Variants in SUN1 observed in about 807,000 individuals in gnomAD.
SUN1 encodes the protein SUN domain-containing protein 1.
In SUN1, 61 loss-of-function variants were observed where a neutral mutation model predicts 103.2. The ratio of observed to expected loss-of-function variants is 0.59; its 90% CI spans 0.48 to 0.73. SUN1 has a LOEUF of 0.73. Ranked by LOEUF, SUN1 falls within the 30% of genes least tolerant of loss-of-function variation. The pLI, the probability that SUN1 is intolerant of heterozygous loss-of-function variation, is 0.00. For missense variants in SUN1, 1,052 were observed against 1,034.6 expected, an observed-to-expected ratio of 1.02 and a Z score of -0.23; for synonymous variants, 490 against 425.7, an observed-to-expected ratio of 1.15 and a Z score of -1.86.
At chr7:841,813 A>G in intron 2 of SUN1, 133 bp from the exon 3 acceptor site, 1 of 888,108 alleles carries the variant, frequency 1.1e-6, no homozygotes, top group Non-Finnish European at 1.7e-6. Flanking sequence ...TCATTACAGC[A>G]GAAAAGGCAT....
At chr7:819,778 G>A (rs1380278652) in intron 1 of SUN1, among the ~76,000 whole-genome samples, 3 of 145,010 alleles carry the variant, frequency 2.1e-5, no homozygotes, top group African/African-American at 7.8e-5. Flanking sequence ...GCGTGATCTC[G>A]GCTCACTGCA....
intron 5 of SUN1, chr7:848,320 A>T: frequency 9.2e-7 from 1 of 1,088,216 alleles, no homozygotes; most frequent in Non-Finnish European, 1.3e-6. Flanking sequence ...TGTCCATTCT[A>T]AAAGTGCCTG....
At chr7:851,574 A>C in intron 6 of SUN1, 92 bp downstream of exon 6, 322 of 1,106,650 alleles carry the variant, frequency 2.9e-4, no homozygotes, top group Non-Finnish European at 4.0e-4. Flanking sequence ...TAAAAATCTC[A>C]TTTAGGCTCT....
chr7:838,301 G>C (rs1002044734), intron 1 of SUN1, among the ~76,000 whole-genome samples: 3 of 152,256 alleles, frequency 2.0e-5, no homozygotes, highest in Non-Finnish European at 4.4e-5. Flanking sequence ...GCTCAAAGCA[G>C]TTGTGAATTG....
intron 9 of SUN1, 124 bp downstream of exon 9, chr7:853,076 A>G (rs560500437): frequency 1.5e-6 from 2 of 1,301,682 alleles, no homozygotes; most frequent in African/African-American, 3.0e-5. Context: ...TTTAAATGTC[A>G]GATAAGCAAG....
intron 2 of SUN1, 87 bp from the exon 3 acceptor site, chr7:841,859 C>A: frequency 7.1e-7 from 1 of 1,401,944 alleles, no homozygotes; most frequent in Non-Finnish European, 9.8e-7. Context: ...TGTTTATTCC[C>A]AGATTAAGAG....
At chr7:857,689 C>T (rs1562753538) in intron 12 of SUN1, 139 bp from the exon 13 acceptor site, 11 of 1,128,354 alleles carry the variant, frequency 9.7e-6, no homozygotes, top group Non-Finnish European at 1.2e-5. Flanking sequence ...CCAGTTTCCA[C>T]GTTAGTGTGG....
chr7:853,515 C>A lies in SUN1; in HGVS notation c.1160C>A (p.Thr387Asn), dbSNP rs766938748. Residue 387 changes from threonine to asparagine, a missense_variant, in exon 10 of 19, where the codon ACC (threonine) becomes AAC (asparagine). Thr to Asn is a moderately conservative substitution (Grantham distance 65). Transcript: ENST00000401592. The stretch of plus-strand genomic sequence containing the variant: ...CATGGTGAGAATCTCCGAGAGCTGA[C>A]CACTTTGCTACAGAAGCTGCAGGCT... ...HHHGENLREL[T>N]TLLQKLQARV... The A allele has an allele frequency of 2.5e-6, 4 of 1,613,776 alleles. No individual in the cohort carries two copies. The African/African-American group carries it at 4.0e-5, about 16-fold the overall frequency.
chr7:815,634 G>C (rs1780136854), upstream of SUN1, among the ~76,000 whole-genome samples: 2 of 151,994 alleles, frequency 1.3e-5, no homozygotes, highest in African/African-American at 4.8e-5. Context: ...ATTACACTTC[G>C]TTTTAAAAGT....
rs1249720125 is a variant in SUN1 at position 869,337 on chromosome 7, T to C, written c.1981-12T>C. The C allele has an allele frequency of 6.2e-7, 1 of 1,612,000 alleles. No homozygotes were observed. The highest frequency in any genetic ancestry group is 8.5e-7 in the Non-Finnish European group (1 of 1,178,828). The stretch of plus-strand genomic sequence containing the variant: ...CTCACACTCTGAGTCCTCATGTTTT[T>C]CCTTTCCCCAGCCTGACATTTACCC... On this transcript the variant is annotated splice_polypyrimidine_tract_variant and intron_variant, in intron 16 of 18. Coordinates refer to ENST00000401592, the MANE Select transcript of SUN1 (RefSeq NM_001130965.3).
At chr7:864,969 T>C (rs1436618930) in intron 15 of SUN1, among the ~76,000 whole-genome samples, 1 of 151,808 alleles carries the variant, frequency 6.6e-6, no homozygotes, top group African/African-American at 2.4e-5. Flanking sequence ...ATCCCCACTT[T>C]CCCTGAGCCC....
In SUN1 at chr7:852,506, T is replaced by TG. The variant is rs527445101; in HGVS notation, c.852-96dup. On this transcript the variant is annotated intron_variant, in intron 7 of 18. Transcript: ENST00000401592. ...AAAACCGTAACTGCTTTTCTAATAC[T>TG]GGGGGGGTGGATTTTGCACAAAATT... 191 of 1,345,970 alleles carry TG rather than the reference T, an allele frequency of 1.4e-4. No individual in the cohort carries two copies. The East Asian group carries it at 1.9e-3, about 14-fold the overall frequency. The allele number at this position is 1,345,970 out of a possible 1,614,324, so 83.4% of individuals were successfully genotyped here.
chr7:819,256 T>C (rs571966660), intron 1 of SUN1, among the ~76,000 whole-genome samples: 19 of 151,540 alleles, frequency 1.3e-4, no homozygotes, highest in Non-Finnish European at 5.9e-5. Context: ...ATTAGACATA[T>C]GATTAATAAA....
At chr7:845,343 G>A (rs775801011) in intron 5 of SUN1, among the ~76,000 whole-genome samples, 1 of 152,174 alleles carries the variant, frequency 6.6e-6, no homozygotes, top group South Asian at 2.1e-4. Context: ...TGGGTGTTTT[G>A]GGGGAGAAAA....
intron 1 of SUN1, among the ~76,000 whole-genome samples, chr7:836,959 G>A (rs1288832094): frequency 6.6e-6 from 1 of 152,188 alleles, no homozygotes; most frequent in Non-Finnish European, 1.5e-5. Context: ...GCGGATGGAG[G>A]GGGTCTGAGA....
At chr7:849,949 C>T (rs757867162) in intron 5 of SUN1, 11 of 1,600,400 alleles carry the variant, frequency 6.9e-6, no homozygotes, top group South Asian at 6.7e-5. Context: ...CAAGAGGCAC[C>T]TCGACGCGCA....
intron 1 of SUN1, among the ~76,000 whole-genome samples, chr7:823,754 A>G (rs572351673): frequency 7.2e-5 from 11 of 152,286 alleles, no homozygotes; most frequent in African/African-American, 2.4e-4. Flanking sequence ...AGGCACTTGC[A>G]GGGAGCCAGC....
At chr7:824,622 C>G (rs543213736) in intron 1 of SUN1, among the ~76,000 whole-genome samples, 1 of 152,160 alleles carries the variant, frequency 6.6e-6, no homozygotes, top group Admixed American at 6.5e-5. Flanking sequence ...GATTCAGTGC[C>G]CTTATGGTAA....
At chr7:846,873 G>A (rs979001588) in intron 5 of SUN1, among the ~76,000 whole-genome samples, 24 of 152,236 alleles carry the variant, frequency 1.6e-4, no homozygotes, top group African/African-American at 5.5e-4. Flanking sequence ...CGTCAGCTGG[G>A]CATGGTGGCC....
Sources: gnomAD v4.1 joint callset for allele counts (sites outside exome capture counted in the v4.1 genomes callset) on GRCh38, gnomAD v4.1.1 for gene constraint, MANE v1.5 for transcripts, NCBI Gene and HGNC (gene_info 2026-07-23, HGNC 2026-07-21) for gene names.